Variants in VEGFC observed in about 807,000 individuals in gnomAD.
The protein encoded by VEGFC is FLT4 ligand DHM.
VEGFC carries 12 observed loss-of-function variants against 46.1 expected under a neutral mutation model. The ratio of observed to expected loss-of-function variants is 0.26; its 90% CI spans 0.17 to 0.42. The LOEUF is 0.42. Among genes scored for constraint, VEGFC ranks in the 10% least tolerant of loss-of-function variants. VEGFC has a pLI of 1.00. For synonymous variants in VEGFC, 232 were observed against 195.5 expected (o/e 1.19, Z -1.56); for missense variants, 488 against 529.4 (o/e 0.92, Z 0.77).
intron 1 of VEGFC, among the ~76,000 whole-genome samples, chr4:176,739,827 T>C (rs956419177): frequency 1.3e-5 from 2 of 150,762 alleles, no homozygotes; most frequent in African/African-American, 4.9e-5. Context: ...AAACCACAGA[T>C]TGAAATCGAG....
intron 1 of VEGFC, among the ~76,000 whole-genome samples, chr4:176,785,592 T>C (rs1034242055): frequency 2.6e-5 from 4 of 152,000 alleles, no homozygotes; most frequent in African/African-American, 9.7e-5. Flanking sequence ...TAGCAGATTT[T>C]AAAAAGCAGG....
intron 1 of VEGFC, among the ~76,000 whole-genome samples, chr4:176,765,550 ATTT>A (rs779746169): frequency 4.6e-5 from 6 of 131,490 alleles, no homozygotes; most frequent in Admixed American, 7.9e-5. Flanking sequence ...CAAAGACAGA[ATTT>A]TTTTTTTTTT....
chr4:176,782,415 G>T (rs866151548), intron 1 of VEGFC, among the ~76,000 whole-genome samples: 1 of 151,438 alleles, frequency 6.6e-6, no homozygotes, highest in African/African-American at 2.4e-5. Context: ...AACGAGCCAC[G>T]TTCATGCCAC....
At chr4:176,706,329 T>TA (rs1365050424) in intron 4 of VEGFC, among the ~76,000 whole-genome samples, 4 of 152,018 alleles carry the variant, frequency 2.6e-5, no homozygotes, top group Non-Finnish European at 5.9e-5. Flanking sequence ...GTAAAGGTTT[T>TA]AAAAAATCTA....
chr4:176,747,901 T>C (rs1735283454), intron 1 of VEGFC, among the ~76,000 whole-genome samples: 1 of 151,970 alleles, frequency 6.6e-6, no homozygotes, highest in East Asian at 1.9e-4. Flanking sequence ...AAATAATAAT[T>C]ACTTTGCTAA....
At chr4:176,730,631 G>A (rs1188169456) in intron 1 of VEGFC, among the ~76,000 whole-genome samples, 4 of 151,840 alleles carry the variant, frequency 2.6e-5, no homozygotes, top group East Asian at 1.9e-4. Flanking sequence ...AAGTTTAGTC[G>A]AATAAGAGTC....
At chr4:176,765,878 C>T (rs970967541) in intron 1 of VEGFC, among the ~76,000 whole-genome samples, 44 of 151,950 alleles carry the variant, frequency 2.9e-4, no homozygotes, top group Non-Finnish European at 5.3e-4. Flanking sequence ...TAAATGCTAA[C>T]AGTGAAAATC....
At chr4:176,699,066 C>G (rs555415876) in intron 4 of VEGFC, among the ~76,000 whole-genome samples, 3 of 152,130 alleles carry the variant, frequency 2.0e-5, no homozygotes, top group Admixed American at 1.3e-4. Context: ...CAAATTATTT[C>G]TATAGATACG....
chr4:176,758,423 C>G (rs966639148), intron 1 of VEGFC, among the ~76,000 whole-genome samples: 1 of 152,066 alleles, frequency 6.6e-6, no homozygotes, highest in Non-Finnish European at 1.5e-5. Flanking sequence ...TTTAGATGAA[C>G]AAGTACCAAG....
intron 1 of VEGFC, among the ~76,000 whole-genome samples, chr4:176,760,083 T>C (rs927270628): frequency 4.6e-5 from 7 of 152,044 alleles, no homozygotes; most frequent in South Asian, 2.1e-4. Flanking sequence ...TCTTGAGGGA[T>C]AGATCAGGAG....
intron 1 of VEGFC, among the ~76,000 whole-genome samples, chr4:176,743,895 G>A (rs1368263396): frequency 1.3e-5 from 2 of 151,694 alleles, no homozygotes; most frequent in Non-Finnish European, 2.9e-5. Context: ...CCAATCTTGT[G>A]TGGACTCCAT....
intron 1 of VEGFC, among the ~76,000 whole-genome samples, chr4:176,786,754 T>C (rs983330624): frequency 2.6e-5 from 4 of 152,224 alleles, no homozygotes; most frequent in Non-Finnish European, 4.4e-5. Context: ...TAACATGAGT[T>C]GAAGTAGATT....
intron 1 of VEGFC, among the ~76,000 whole-genome samples, chr4:176,748,234 A>G (rs558809986): frequency 1.3e-4 from 20 of 152,098 alleles, no homozygotes; most frequent in Admixed American, 2.6e-4. Context: ...GTGAAGAATG[A>G]TTACTTTACC....
chr4:176,779,376 T>G (rs1013702519), intron 1 of VEGFC, among the ~76,000 whole-genome samples: 1 of 152,170 alleles, frequency 6.6e-6, no homozygotes, highest in African/African-American at 2.4e-5. Flanking sequence ...TAAAAGTAGT[T>G]TGAAGTAAGA....
At chr4:176,733,599 C>T (rs1036844092) in intron 1 of VEGFC, among the ~76,000 whole-genome samples, 11 of 151,736 alleles carry the variant, frequency 7.2e-5, no homozygotes, top group East Asian at 1.9e-4. Flanking sequence ...AGGCTAGAGG[C>T]GGAGAATGAG....
chr4:176,711,684 T>A, intron 3 of VEGFC, 34 bp from the exon 4 acceptor site: 1 of 1,608,240 alleles, frequency 6.2e-7, no homozygotes, highest in South Asian at 1.1e-5. Context: ...GAAAAAATTA[T>A]ATAGATGCTG....
At chr4:176,730,945 T>C (rs939512961) in intron 1 of VEGFC, among the ~76,000 whole-genome samples, 4 of 152,250 alleles carry the variant, frequency 2.6e-5, no homozygotes, top group Middle Eastern at 3.4e-3. Context: ...CAATTATTAA[T>C]ATGAAATGTG....
At chr4:176,736,566 G>A (rs1003441293) in intron 1 of VEGFC, among the ~76,000 whole-genome samples, 8 of 151,616 alleles carry the variant, frequency 5.3e-5, no homozygotes, top group Non-Finnish European at 1.0e-4. Flanking sequence ...CTTAGTACAC[G>A]TAACACTTCA....
chr4:176,708,434 C>T (rs913836252), intron 4 of VEGFC, among the ~76,000 whole-genome samples: 7 of 151,746 alleles, frequency 4.6e-5, no homozygotes, highest in African/African-American at 1.7e-4. Context: ...GTATAAAGCA[C>T]AGAGATACAT....
Sources: gnomAD v4.1 joint callset for allele counts (sites outside exome capture counted in the v4.1 genomes callset) on GRCh38, gnomAD v4.1.1 for gene constraint, MANE v1.5 for transcripts, NCBI Gene and HGNC (gene_info 2026-07-23, HGNC 2026-07-21) for gene names.